The following PDE1A variants were observed in gnomAD, a reference collection of about 807,000 sequenced individuals.
The protein encoded by PDE1A is phosphodiesterase 1A, also known as dual specificity calcium/calmodulin-dependent 3',5'-cyclic nucleotide phosphodiesterase 1A.
A neutral mutation model predicts 61.7 loss-of-function variants in PDE1A; 35 were observed. The observed-to-expected ratio is 0.57, with a 90% CI of 0.43 to 0.75. The LOEUF is 0.75. Among genes scored for constraint, PDE1A ranks in the 30% least tolerant of loss-of-function variants. The pLI, the probability that PDE1A is intolerant of heterozygous loss-of-function variation, is 0.00. For synonymous variants in PDE1A, 232 were observed against 213.2 expected (o/e 1.09, Z -0.77); for missense variants, 597 against 630.6 (o/e 0.95, Z 0.57).
Position 182,451,378 on chromosome 2 carries a change from C to CAAAAAAAAAAAAA in PDE1A, c.101+70885_101+70897dup, listed in dbSNP as rs1219608685. 5.7e-4 allele frequency among the ~76,000 whole-genome samples: 7 copies of CAAAAAAAAAAAAA among 12,296 alleles called. 1 individual carries two copies. The highest frequency in any genetic ancestry group is 7.3e-4 in the Non-Finnish European group (5 of 6,848). The allele number at this position is 12,296 out of a possible 152,430, so 8.1% of individuals were successfully genotyped here. A position where few individuals can be genotyped will look rare whatever the true frequency, so the allele number is the denominator to read the frequency against. On this transcript the variant is annotated intron_variant, in intron 2 of 14. Transcript: ENST00000410103. ...TGGGCGACAGAGCGAGACTCCGTCTCAAAAAAAAAAAAAAAAAAAAATATT... is the reference window on the plus strand; with the variant it reads ...TGGGCGACAGAGCGAGACTCCGTCTCAAAAAAAAAAAAAAAAAAAAAAAAAAAAAAAAAATATT...
At chr2:182,572,623 G>A in the PDE1A span, among the ~76,000 whole-genome samples, 35 of 152,048 alleles carry the variant, frequency 2.3e-4, no homozygotes, top group Non-Finnish European at 3.4e-4. Context: ...TGGCTCACGC[G>A]AGTAATTCCA....
upstream of PDE1A, among the ~76,000 whole-genome samples, chr2:182,527,223 T>C (rs1418634085): frequency 6.9e-6 from 1 of 145,522 alleles, no homozygotes; most frequent in Non-Finnish European, 1.5e-5. Flanking sequence ...ACCCAGCACT[T>C]TGGGAGGCCA....
intron 7 of PDE1A, among the ~76,000 whole-genome samples, chr2:182,217,597 A>C (rs1400913966): frequency 5.5e-4 from 79 of 143,226 alleles, no homozygotes; most frequent in Admixed American, 7.0e-4. Context: ...CCCCATCAAA[A>C]AGTGGGCAAA....
chr2:182,142,265 T>A (rs1387650616), downstream of PDE1A: 1 of 152,202 alleles, frequency 6.6e-6, no homozygotes, highest in African/African-American at 2.4e-5. Flanking sequence ...TCTCCAGCAA[T>A]GGTTGACGGT....
intron 4 of PDE1A, among the ~76,000 whole-genome samples, chr2:182,232,209 G>C (rs565452336): frequency 6.6e-6 from 1 of 152,206 alleles, no homozygotes; most frequent in South Asian, 2.1e-4. Flanking sequence ...AGAGGAGAGT[G>C]AGCAGGGATA....
chr2:182,342,466 G>A (rs548457655), intron 1 of PDE1A, among the ~76,000 whole-genome samples: 73 of 152,274 alleles, frequency 4.8e-4, no homozygotes, highest in African/African-American at 1.7e-3. Context: ...GGAGGATCAC[G>A]AGGTCAGGAG....
chr2:182,595,583 G>T, the PDE1A span, among the ~76,000 whole-genome samples: 1 of 152,230 alleles, frequency 6.6e-6, no homozygotes, highest in Non-Finnish European at 1.5e-5. Flanking sequence ...CTTGGCCAAA[G>T]ATTATTCTTA....
At chr2:182,437,550 C>T (rs1441407455) in intron 2 of PDE1A, among the ~76,000 whole-genome samples, 1 of 151,892 alleles carries the variant, frequency 6.6e-6, no homozygotes, top group Non-Finnish European at 1.5e-5. Flanking sequence ...CCAGGCACTG[C>T]TGAGGATTCT....
chr2:182,627,305 AATAAAATATATATATTATATATAT>A, the PDE1A span, among the ~76,000 whole-genome samples: 2 of 86,704 alleles, frequency 2.3e-5, no homozygotes, highest in African/African-American at 8.1e-5. Context: ...ATTATATATA[AATAAAATATATATATTATATATAT>A]AAATTTATAT....
chr2:182,382,279 T>C (rs771618096), intron 1 of PDE1A, among the ~76,000 whole-genome samples: 4 of 152,020 alleles, frequency 2.6e-5, no homozygotes, highest in Non-Finnish European at 5.9e-5. Flanking sequence ...GAAGAGCAAA[T>C]AAGAAAGATA....
chr2:182,269,468 A>T (rs1282780059), intron 1 of PDE1A, among the ~76,000 whole-genome samples: 1 of 152,052 alleles, frequency 6.6e-6, no homozygotes, highest in Non-Finnish European at 1.5e-5. Context: ...CAGCCTGGGC[A>T]ACAAGAGTGA....
chr2:182,376,372 CA>C (rs1218467747), intron 1 of PDE1A, among the ~76,000 whole-genome samples: 1 of 152,060 alleles, frequency 6.6e-6, no homozygotes, highest in Non-Finnish European at 1.5e-5. Context: ...TACAAAGTTC[CA>C]AAAAACTCTA....
At chr2:182,147,494 T>G (rs980711381) in intron 13 of PDE1A, among the ~76,000 whole-genome samples, 10 of 152,226 alleles carry the variant, frequency 6.6e-5, no homozygotes, top group African/African-American at 2.2e-4. Flanking sequence ...TTCCTTTAAC[T>G]AAACCTTCTA....
intron 2 of PDE1A, among the ~76,000 whole-genome samples, chr2:182,465,190 C>T (rs1478498141): frequency 6.6e-6 from 1 of 152,000 alleles, no homozygotes; most frequent in African/African-American, 2.4e-5. Flanking sequence ...TGGGAGATGA[C>T]AATTTTGAAC....
At chr2:182,369,634 C>T (rs1023032649) in intron 1 of PDE1A, among the ~76,000 whole-genome samples, 1 of 150,098 alleles carries the variant, frequency 6.7e-6, no homozygotes, top group Admixed American at 6.6e-5. Context: ...AATCCTGCAG[C>T]ATAAGTCAAG....
At chr2:182,608,021 T>C in the PDE1A span, among the ~76,000 whole-genome samples, 1 of 152,166 alleles carries the variant, frequency 6.6e-6, no homozygotes, top group African/African-American at 2.4e-5. Context: ...AAGAGGGTAT[T>C]GGGACTAAGA....
the PDE1A span, among the ~76,000 whole-genome samples, chr2:182,557,732 AAAAT>A: frequency 4.6e-5 from 7 of 151,890 alleles, no homozygotes; most frequent in Non-Finnish European, 1.0e-4. Flanking sequence ...TAATAAAATA[AAAAT>A]AAATAAATAA....
At chr2:182,425,511 T>G (rs1057187771) in intron 1 of PDE1A, among the ~76,000 whole-genome samples, 1 of 152,218 alleles carries the variant, frequency 6.6e-6, no homozygotes, top group Non-Finnish European at 1.5e-5. Context: ...AGGAAGACTT[T>G]AAAACAGATT....
intron 1 of PDE1A, among the ~76,000 whole-genome samples, chr2:182,319,824 G>A (rs1035654969): frequency 1.3e-5 from 2 of 152,290 alleles, no homozygotes; most frequent in East Asian, 1.9e-4. Flanking sequence ...TAATTGGCAT[G>A]TAATGGGATT....
Sources: allele counts gnomAD v4.1 joint callset (sites outside exome capture counted in the v4.1 genomes callset), GRCh38; gene constraint gnomAD v4.1.1; transcripts MANE v1.5; gene names NCBI Gene and HGNC (gene_info 2026-07-23, HGNC 2026-07-21).